The following PLCB1 variants were observed in gnomAD, a reference collection of about 807,000 sequenced individuals.
The protein encoded by PLCB1 is phospholipase C beta 1, also known as 1-phosphatidylinositol 4,5-bisphosphate phosphodiesterase beta-1.
In PLCB1, 46 loss-of-function variants were observed where a neutral mutation model predicts 161.8. The observed-to-expected ratio is 0.28, with a 90% CI of 0.22 to 0.36. The LOEUF (loss-of-function observed/expected upper bound fraction) is 0.36, where lower values mean the gene tolerates loss of function less well. Among genes scored for constraint, PLCB1 ranks in the 10% least tolerant of loss-of-function variants. The pLI is 1.00. For synonymous variants in PLCB1, 517 were observed against 503.7 expected, an observed-to-expected ratio of 1.03 and a Z score of -0.35; for missense variants, 1,016 against 1,472.5, an observed-to-expected ratio of 0.69 and a Z score of 5.07.
chr20:8,745,292 A>C (rs1035167002), intron 23 of PLCB1, among the ~76,000 whole-genome samples: 2 of 152,134 alleles, frequency 1.3e-5, no homozygotes, highest in African/African-American at 4.8e-5. Flanking sequence ...GATGCCACTG[A>C]AAATAAGTAA....
chr20:8,204,832 T>A (rs2098490818), intron 2 of PLCB1, among the ~76,000 whole-genome samples: 1 of 152,154 alleles, frequency 6.6e-6, no homozygotes, highest in African/African-American at 2.4e-5. Flanking sequence ...CAACAAATAT[T>A]TATAAATCAT....
chr20:8,690,653 G>A (rs1275857757), intron 10 of PLCB1, among the ~76,000 whole-genome samples: 1 of 152,166 alleles, frequency 6.6e-6, no homozygotes, highest in African/African-American at 2.4e-5. Context: ...CAATTAGGGA[G>A]GTTACGAATC....
At chr20:8,574,242 T>C (rs930897717) in intron 3 of PLCB1, among the ~76,000 whole-genome samples, 6 of 152,078 alleles carry the variant, frequency 3.9e-5, no homozygotes, top group Non-Finnish European at 7.4e-5. Context: ...CTATTAAAAA[T>C]ACAAAAATTA....
rs73082292 is a variant in PLCB1 at position 8,224,264 on chromosome 20, A to G, written c.177+73893A>G. ...CTTCTTAGCCACCATTTCTTTTTCT[A>G]TAAATTAAAAATGATCGTATCTATC... On this transcript the variant is annotated intron_variant, in intron 2 of 31. Coordinates refer to ENST00000338037, the MANE Select transcript of PLCB1 (RefSeq NM_015192.4). 2.0e-3 allele frequency among the ~76,000 whole-genome samples: 299 copies of G among 152,286 alleles called. 1 individual carries two copies. The highest frequency in any genetic ancestry group is 3.8e-3 in the Non-Finnish European group (261 of 68,026).
At chr20:8,643,090 C>T (rs1989007379) in intron 4 of PLCB1, among the ~76,000 whole-genome samples, 1 of 152,166 alleles carries the variant, frequency 6.6e-6, no homozygotes, top group South Asian at 2.1e-4. Flanking sequence ...TCTCTTGCAG[C>T]TATTCTGTAC....
intron 31 of PLCB1, among the ~76,000 whole-genome samples, chr20:8,845,165 C>G (rs1419315375): frequency 2.7e-5 from 4 of 150,222 alleles, no homozygotes; most frequent in Admixed American, 6.6e-5. Context: ...GTTTTTCTTC[C>G]CAATTAAACA....
intron 2 of PLCB1, among the ~76,000 whole-genome samples, chr20:8,339,519 T>A (rs1414633929): frequency 6.6e-6 from 1 of 152,234 alleles, no homozygotes; most frequent in Non-Finnish European, 1.5e-5. Flanking sequence ...CCATTAAAAG[T>A]TACACCATGC....
chr20:8,846,563 A>G (rs1275027124), intron 31 of PLCB1, among the ~76,000 whole-genome samples: 1 of 152,172 alleles, frequency 6.6e-6, no homozygotes, highest in African/African-American at 2.4e-5. Context: ...ACGAGCTCCC[A>G]GGTCATGCTA....
At chr20:8,336,013 CAG>C (rs1487894696) in intron 2 of PLCB1, among the ~76,000 whole-genome samples, 17 of 152,118 alleles carry the variant, frequency 1.1e-4, no homozygotes, top group African/African-American at 4.1e-4. Context: ...GCTGGTAGAG[CAG>C]CAGGATCCAG....
At chr20:8,175,447 C>CA (rs2051772860) in intron 2 of PLCB1, among the ~76,000 whole-genome samples, 1 of 107,922 alleles carries the variant, frequency 9.3e-6, no homozygotes, top group South Asian at 3.4e-4. Context: ...TATTCATAGG[C>CA]AAAAAATAAG....
intron 31 of PLCB1, among the ~76,000 whole-genome samples, chr20:8,790,508 A>T (rs1488887314): frequency 6.6e-6 from 1 of 152,184 alleles, no homozygotes; most frequent in African/African-American, 2.4e-5. Flanking sequence ...GCTTTAACTA[A>T]TCTGGGGTAT....
At chr20:8,728,229 C>T (rs961714644) in intron 17 of PLCB1, among the ~76,000 whole-genome samples, 5 of 152,144 alleles carry the variant, frequency 3.3e-5, no homozygotes, top group African/African-American at 1.2e-4. Flanking sequence ...GAGACTGAGT[C>T]ACAGAAAGAC....
chr20:8,161,924 C>G (rs961172546), intron 2 of PLCB1, among the ~76,000 whole-genome samples: 2 of 152,024 alleles, frequency 1.3e-5, no homozygotes, highest in Admixed American at 6.6e-5. Context: ...CTGCCTGTGA[C>G]GTGGCCTACT....
At chr20:8,370,095 C>T (rs79083693) in intron 2 of PLCB1, among the ~76,000 whole-genome samples, 19 of 152,260 alleles carry the variant, frequency 1.2e-4, no homozygotes, top group African/African-American at 3.4e-4. Flanking sequence ...TGCCTCCTTC[C>T]GGGAGAAGGG....
chr20:8,318,051 C>A (rs1261128975), intron 2 of PLCB1, among the ~76,000 whole-genome samples: 1 of 150,728 alleles, frequency 6.6e-6, no homozygotes, highest in Non-Finnish European at 1.5e-5. Flanking sequence ...AATACAGAGA[C>A]CAACACTGAA....
intron 9 of PLCB1, among the ~76,000 whole-genome samples, chr20:8,662,315 A>G (rs1267513262): frequency 8.4e-6 from 1 of 118,556 alleles, no homozygotes; most frequent in African/African-American, 3.4e-5. Context: ...ATAATTATGT[A>G]TAATATGTAA....
intron 3 of PLCB1, among the ~76,000 whole-genome samples, chr20:8,613,286 T>C (rs563673286): frequency 6.6e-6 from 1 of 152,308 alleles, no homozygotes; most frequent in South Asian, 2.1e-4. Context: ...CTATCAATTA[T>C]GATATTTTTA....
intron 3 of PLCB1, among the ~76,000 whole-genome samples, chr20:8,425,556 C>T (rs755043899): frequency 6.6e-6 from 1 of 151,994 alleles, no homozygotes; most frequent in Non-Finnish European, 1.5e-5. Context: ...ATAGACCACA[C>T]TCTGAGTAGC....
At chr20:8,722,115 A>C (rs2123477081) in intron 14 of PLCB1, among the ~76,000 whole-genome samples, 1 of 151,342 alleles carries the variant, frequency 6.6e-6, no homozygotes, top group African/African-American at 2.4e-5. Context: ...ATTTTTTAAT[A>C]GAATTTTGAA....
Sources: gnomAD v4.1 joint callset for allele counts (sites outside exome capture counted in the v4.1 genomes callset) on GRCh38, gnomAD v4.1.1 for gene constraint, MANE v1.5 for transcripts, NCBI Gene and HGNC (gene_info 2026-07-23, HGNC 2026-07-21) for gene names.